Variants in SFI1 observed in about 807,000 individuals in gnomAD.
SFI1 encodes the protein protein SFI1 homolog.
In SFI1, 195 loss-of-function variants were observed where a neutral mutation model predicts 207.5. The observed-to-expected ratio is 0.94, with a 90% CI of 0.84 to 1.06. SFI1 has a LOEUF of 1.06. Ranked by LOEUF, SFI1 falls within the 50% of genes least tolerant of loss-of-function variation. The pLI, the probability that SFI1 is intolerant of heterozygous loss-of-function variation, is 0.00. For missense variants in SFI1, 1,634 were observed against 1,588.0 expected, an observed-to-expected ratio of 1.03 and a Z score of -0.49; for synonymous variants, 630 against 598.9, an observed-to-expected ratio of 1.05 and a Z score of -0.76.
At chr22:31,567,531 G>A (rs2062443157) in intron 8 of SFI1, among the ~76,000 whole-genome samples, 1 of 151,844 alleles carries the variant, frequency 6.6e-6, no homozygotes, top group South Asian at 2.1e-4. Flanking sequence ...GTAAGAAAGG[G>A]AAGGATATAT....
intron 14 of SFI1, among the ~76,000 whole-genome samples, chr22:31,585,346 T>C (rs938804390): frequency 6.6e-6 from 1 of 152,198 alleles, no homozygotes; most frequent in East Asian, 1.9e-4. Flanking sequence ...GCTATGAAAA[T>C]ACAAGTTCTC....
chr22:31,518,024 C>T (rs1244443323), intron 2 of SFI1, among the ~76,000 whole-genome samples: 1 of 152,118 alleles, frequency 6.6e-6, no homozygotes, highest in Non-Finnish European at 1.5e-5. Context: ...AGACAGTCTT[C>T]CTCTGTCGCC....
chr22:31,569,673 C>T (rs188591547), intron 8 of SFI1, among the ~76,000 whole-genome samples: 29 of 152,194 alleles, frequency 1.9e-4, no homozygotes, highest in Non-Finnish European at 3.8e-4. Flanking sequence ...CAGAGCCAGG[C>T]GTGGTGGCAG....
intron 15 of SFI1, among the ~76,000 whole-genome samples, chr22:31,589,915 A>G (rs1164401649): frequency 6.6e-6 from 1 of 151,694 alleles, no homozygotes; most frequent in African/African-American, 2.4e-5. Flanking sequence ...ATTGACTTAC[A>G]CTATTATGGA....
intron 12 of SFI1, among the ~76,000 whole-genome samples, chr22:31,582,236 ATT>A (rs1161846940): frequency 2.0e-4 from 2 of 10,136 alleles, no homozygotes; most frequent in Admixed American, 1.8e-3. Flanking sequence ...ATATATATAT[ATT>A]TTTTTTTTTT....
At chr22:31,513,904 C>T (rs1037882405) in intron 2 of SFI1, among the ~76,000 whole-genome samples, 5 of 151,098 alleles carry the variant, frequency 3.3e-5, no homozygotes, top group South Asian at 4.2e-4. Flanking sequence ...GAGGCTGAGG[C>T]GGGTGGATTA....
chr22:31,609,662 A>C (rs1230998286), intron 22 of SFI1, among the ~76,000 whole-genome samples: 2 of 152,170 alleles, frequency 1.3e-5, no homozygotes, highest in Non-Finnish European at 2.9e-5. Context: ...TGGGGACAAA[A>C]CCCTGGGGTC....
Position 31,616,840 on chromosome 22 carries a change from C to G in SFI1, c.3396C>G (p.Phe1132Leu), listed in dbSNP as rs779249489. ...PDPHLLLPGDFSATRAGPGLS... is the reference protein window; with the variant it reads ...PDPHLLLPGDLSATRAGPGLS... ...CCCATCTACTCCTTCCTGGGGACTT[C>G]TCAGCCACCAGGGCTGGGCCTGGAC... The change falls in exon 30 of 33, where the codon TTC becomes TTG. Residue 1132 changes from phenylalanine (F) to leucine (L), a missense_variant. Coordinates refer to ENST00000400288, the MANE Select transcript of SFI1 (RefSeq NM_001007467.3). 5 of 1,613,010 alleles carry G rather than the reference C, an allele frequency of 3.1e-6. No homozygotes were observed. The East Asian group carries it at 8.9e-5, about 29-fold the overall frequency.
intron 4 of SFI1, among the ~76,000 whole-genome samples, chr22:31,541,993 C>T (rs1022320747): frequency 2.0e-5 from 3 of 149,594 alleles, no homozygotes; most frequent in Admixed American, 6.7e-5. Context: ...CCCAGCTACT[C>T]CGGAGGCTGA....
chr22:31,520,371 C>A (rs2057075138), intron 2 of SFI1, among the ~76,000 whole-genome samples: 1 of 152,010 alleles, frequency 6.6e-6, no homozygotes, highest in South Asian at 2.1e-4. Context: ...GTTTTTTGAG[C>A]AGGATTATAA....
intron 20 of SFI1, chr22:31,605,733 A>C (rs1361139499): frequency 6.6e-6 from 1 of 152,634 alleles, no homozygotes; most frequent in Non-Finnish European, 1.5e-5. Context: ...CCTGTGGTTC[A>C]GGTACTTGGG....
intron 6 of SFI1, 24 bp from the exon 7 acceptor site, chr22:31,556,918 G>T: frequency 1.3e-6 from 2 of 1,545,970 alleles, no homozygotes; most frequent in South Asian, 2.3e-5. Flanking sequence ...CATGCCTTTT[G>T]AAAAATCTCT....
intron 15 of SFI1, among the ~76,000 whole-genome samples, chr22:31,601,004 C>T (rs2068007002): frequency 6.6e-6 from 1 of 152,188 alleles, no homozygotes; most frequent in South Asian, 2.1e-4. Context: ...ACATGTAGCC[C>T]CTAGTGGCTG....
chr22:31,538,088 C>T (rs2059159016), intron 4 of SFI1, among the ~76,000 whole-genome samples: 3 of 152,142 alleles, frequency 2.0e-5, no homozygotes, highest in Admixed American at 6.6e-5. Flanking sequence ...TCTCCTGCCT[C>T]AGCCTGCCAA....
At chr22:31,593,695 G>T (rs1315978832) in intron 15 of SFI1, among the ~76,000 whole-genome samples, 1 of 145,590 alleles carries the variant, frequency 6.9e-6, no homozygotes, top group East Asian at 2.0e-4. Context: ...CTGCACTCCA[G>T]CCTGGGCACC....
chr22:31,547,801 G>A (rs1044151549), intron 5 of SFI1, among the ~76,000 whole-genome samples: 4 of 149,772 alleles, frequency 2.7e-5, no homozygotes, highest in East Asian at 2.0e-4. Context: ...GTAATGATGA[G>A]GTTTCTCCAT....
rs755907201 is a variant in SFI1, at chr22:31,520,200, CT to C, written c.93-8488del. 9.3e-4 allele frequency among the ~76,000 whole-genome samples: 142 copies of C among 151,932 alleles called. No homozygotes were observed. In the Middle Eastern group the frequency reaches 0.01, roughly 11 times the overall value. Reference sequence around the variant, plus strand: ...AAAAAAAAAAAAAAAAAGATAAGACCTTGGCAGTCATTTCTGAACTTCCTTC... The same window carrying C: ...AAAAAAAAAAAAAAAAAGATAAGACCTGGCAGTCATTTCTGAACTTCCTTC... On this transcript the variant is annotated intron_variant, in intron 2 of 32. Coordinates refer to ENST00000400288, the MANE Select transcript of SFI1 (RefSeq NM_001007467.3).
At chr22:31,576,329 T>A (rs1430846233) in intron 10 of SFI1, among the ~76,000 whole-genome samples, 1 of 150,022 alleles carries the variant, frequency 6.7e-6, no homozygotes, top group Non-Finnish European at 1.5e-5. Flanking sequence ...CCAGCCTCTT[T>A]TTTTTTTTTG....
At chr22:31,611,530 C>T (rs1029322707) in intron 23 of SFI1, among the ~76,000 whole-genome samples, 2 of 152,196 alleles carry the variant, frequency 1.3e-5, no homozygotes. Context: ...CCAGGGAAGA[C>T]GGCTCAGCGG....
Sources: gnomAD v4.1 joint callset for allele counts (sites outside exome capture counted in the v4.1 genomes callset) on GRCh38, gnomAD v4.1.1 for gene constraint, MANE v1.5 for transcripts, NCBI Gene and HGNC (gene_info 2026-07-23, HGNC 2026-07-21) for gene names.